Variants in LNPEP observed in about 807,000 individuals in gnomAD.
LNPEP encodes the protein leucyl and cystinyl aminopeptidase.
Under a neutral mutation model 120.6 loss-of-function variants are expected in LNPEP, and 64 were observed. The observed-to-expected ratio is 0.53, with a 90% CI of 0.43 to 0.65. The LOEUF (loss-of-function observed/expected upper bound fraction) is 0.65. Among genes scored for constraint, LNPEP ranks in the 30% least tolerant of loss-of-function variants. The pLI, the probability that LNPEP is intolerant of heterozygous loss-of-function variation, is 0.00. For synonymous variants in LNPEP, 435 were observed against 425.4 expected (o/e 1.02, Z -0.28); for missense variants, 1,057 against 1,200.0 (o/e 0.88, Z 1.76).
rs758631713 is a variant in LNPEP, at chr5:96,979,275, C to T, written c.157C>T (p.Leu53=). The T allele has an allele frequency of 2.5e-6, 4 of 1,613,874 alleles. No homozygotes were observed. Among genetic ancestry groups the T allele is most frequent in the Non-Finnish European group, 3.4e-6 (4 of 1,179,916 alleles). Residue 53 remains leucine (L), a synonymous_variant, in exon 2 of 18, where the codon CTG becomes TTG. Coordinates refer to ENST00000231368, the MANE Select transcript of LNPEP (RefSeq NM_005575.3). The stretch of plus-strand genomic sequence containing the variant: ...GGAATATGAGCCCCGGGGTTCCCGA[C>T]TGCTGGTGCGGGGTCTTGGTGAGCA... ...EVEYEPRGSR[L]LVRGLGEHEM... is the part of the protein sequence containing the mutation.
rs1038485454 is a variant in LNPEP, at chr5:96,979,787, A to G, written c.669A>G (p.Ser223=). ...ATATTTCAAGAGTGACCTTTATGTC[A>G]GCAGTTTCAAGCCAAGAAAAACAAG... ...GHNISRVTFM[S]AVSSQEKQAE... The change falls in exon 2 of 18, where the codon TCA becomes TCG. Residue 223 remains serine (S), a synonymous_variant. Transcript: ENST00000231368. 6.2e-7 allele frequency: 1 copy of G among 1,613,924 alleles called. No homozygotes were observed. Among genetic ancestry groups the G allele is most frequent in the African/African-American group, 1.3e-5 (1 of 74,932 alleles).
intron 11 of LNPEP, chr5:97,010,902 G>A: frequency 1.0e-6 from 1 of 985,372 alleles, no homozygotes; most frequent in African/African-American, 1.7e-5. Context: ...CAGAAGAACT[G>A]AAAGAGACTA....
intron 5 of LNPEP, 93 bp downstream of exon 5, chr5:96,993,228 T>A (rs377521909): frequency 1.0e-6 from 1 of 955,810 alleles, no homozygotes; most frequent in East Asian, 2.6e-5. Flanking sequence ...CCCAAGTTGT[T>A]TGCAGAGAAA....
chr5:96,952,268 T>G (rs1452360861), intron 1 of LNPEP, among the ~76,000 whole-genome samples: 8 of 152,238 alleles, frequency 5.3e-5, no homozygotes, highest in Admixed American at 5.2e-4. Context: ...TGCTTCTGCA[T>G]TCAGTCAGTT....
Position 97,006,210 on chromosome 5 carries a change from TG to T in LNPEP, c.1924del (p.Glu642LysfsTer51). On this transcript the variant is annotated frameshift_variant, in exon 10 of 18. Transcript: ENST00000231368. LOFTEE classifies it high-confidence loss of function. ...QERFFLNMKP[E>X]IQPSDTSYLW... is the part of the protein sequence containing the mutation. ...AGAGATTCTTTTTAAATATGAAGCC[TG>T]AAATTCAGCCTTCAGATACAAGGTA... 6.2e-7 allele frequency: 1 copy of T among 1,604,432 alleles called. No individual in the cohort carries two copies. Among genetic ancestry groups the T allele is most frequent in the Non-Finnish European group, 8.5e-7 (1 of 1,176,780 alleles).
intron 1 of LNPEP, among the ~76,000 whole-genome samples, chr5:96,957,903 T>C (rs1028333745): frequency 2.6e-5 from 4 of 152,238 alleles, no homozygotes; most frequent in Non-Finnish European, 5.9e-5. Flanking sequence ...AGCTCAGTGA[T>C]TATTCTGTAA....
At chr5:96,994,563 A>G (rs1441191795) in intron 6 of LNPEP, among the ~76,000 whole-genome samples, 2 of 151,688 alleles carry the variant, frequency 1.3e-5, no homozygotes, top group African/African-American at 4.9e-5. Flanking sequence ...TTTGTATGAC[A>G]TGGAGAGAAA....
chr5:97,024,263 G>A (rs958110824), intron 14 of LNPEP, among the ~76,000 whole-genome samples: 18 of 152,082 alleles, frequency 1.2e-4, no homozygotes, highest in Non-Finnish European at 1.9e-4. Flanking sequence ...TTCCTTTTCC[G>A]CTCCCTAGTG....
intron 13 of LNPEP, among the ~76,000 whole-genome samples, chr5:97,020,807 CA>C (rs997119183): frequency 1.3e-5 from 2 of 151,186 alleles, no homozygotes; most frequent in African/African-American, 2.4e-5. Context: ...ATCTCAAAAA[CA>C]AAAAAAAGAA....
intron 11 of LNPEP, among the ~76,000 whole-genome samples, chr5:97,012,352 CTCTTCTTT>C (rs1436661129): frequency 6.6e-6 from 1 of 152,150 alleles, no homozygotes; most frequent in African/African-American, 2.4e-5. Context: ...CTTATCTCTA[CTCTTCTTT>C]TTCTTACAAT....
At chr5:96,949,591 A>G (rs1325845644) in intron 1 of LNPEP, among the ~76,000 whole-genome samples, 1 of 152,230 alleles carries the variant, frequency 6.6e-6, no homozygotes, top group Non-Finnish European at 1.5e-5. Context: ...GGAACTGTAC[A>G]TTCCTACATC....
intron 4 of LNPEP, among the ~76,000 whole-genome samples, chr5:96,992,098 C>T (rs1448830791): frequency 6.6e-6 from 1 of 152,070 alleles, no homozygotes; most frequent in Admixed American, 6.6e-5. Flanking sequence ...CCTTTTGATA[C>T]TTCCTGAATA....
intron 1 of LNPEP, among the ~76,000 whole-genome samples, chr5:96,961,190 A>C (rs1168443039): frequency 6.6e-6 from 1 of 152,188 alleles, no homozygotes; most frequent in Admixed American, 6.5e-5. Flanking sequence ...ACAAAACAAA[A>C]AAAAACTGTC....
At chr5:97,008,343 T>G (rs1430423961) in intron 11 of LNPEP, among the ~76,000 whole-genome samples, 1 of 23,982 alleles carries the variant, frequency 4.2e-5, no homozygotes, top group East Asian at 1.3e-3. Flanking sequence ...TCTTGTTTTT[T>G]TTTTTTTTTT....
intron 1 of LNPEP, among the ~76,000 whole-genome samples, chr5:96,960,484 T>C (rs1253093129): frequency 6.6e-6 from 1 of 152,282 alleles, no homozygotes; most frequent in East Asian, 1.9e-4. Flanking sequence ...TTGAAATGCA[T>C]TTTAGGCAAA....
At chr5:96,950,657 C>T (rs1411736463) in intron 1 of LNPEP, among the ~76,000 whole-genome samples, 1 of 152,144 alleles carries the variant, frequency 6.6e-6, no homozygotes, top group Non-Finnish European at 1.5e-5. Context: ...AATTTTAGAC[C>T]TGACACTATC....
Position 96,979,746 on chromosome 5 carries a change from C to T in LNPEP, c.628C>T (p.His210Tyr). 1 of 1,614,032 alleles carries T rather than the reference C, an allele frequency of 6.2e-7. No individual in the cohort carries two copies. Among genetic ancestry groups the T allele is most frequent in the Non-Finnish European group, 8.5e-7 (1 of 1,179,940 alleles). ...TCAGGTCACATGGAATATCATTCTTCATAGCACAGGTCATAATATTTCAAG... is the reference window on the plus strand; with the variant it reads ...TCAGGTCACATGGAATATCATTCTTTATAGCACAGGTCATAATATTTCAAG... ...ALQVTWNIIL[H>Y]STGHNISRVT... is the part of the protein sequence containing the mutation. The change falls in exon 2 of 18, where the codon CAT (histidine) becomes TAT (tyrosine). Residue 210 changes from histidine (H) to tyrosine (Y), a missense_variant. Coordinates refer to ENST00000231368, the MANE Select transcript of LNPEP (RefSeq NM_005575.3).
intron 1 of LNPEP, among the ~76,000 whole-genome samples, chr5:96,968,724 G>GA (rs575839829): frequency 1.7e-3 from 257 of 152,032 alleles, no homozygotes; most frequent in African/African-American, 6.0e-3. Context: ...TAAAGAGGGA[G>GA]AAAAAAAGCC....
intron 14 of LNPEP, among the ~76,000 whole-genome samples, chr5:97,023,768 A>G (rs1791271147): frequency 1.3e-5 from 2 of 152,108 alleles, no homozygotes; most frequent in Admixed American, 1.3e-4. Context: ...GCTGGATCAT[A>G]TGGTAATTCT....
Sources: gnomAD v4.1 joint callset for allele counts (sites outside exome capture counted in the v4.1 genomes callset) on GRCh38, gnomAD v4.1.1 for gene constraint, MANE v1.5 for transcripts, NCBI Gene and HGNC (gene_info 2026-07-23, HGNC 2026-07-21) for gene names.